Variants in KIF13A observed in about 807,000 individuals in gnomAD.
The protein encoded by KIF13A is kinesin family member 13A.
A neutral mutation model predicts 212.2 loss-of-function variants in KIF13A; 79 were observed. That is an observed-to-expected ratio of 0.37 (90% CI 0.31 to 0.45). KIF13A has a LOEUF of 0.45. Ranked by LOEUF, KIF13A falls within the 20% of genes least tolerant of loss-of-function variation. The probability of loss-of-function intolerance (pLI) is 1.00; values close to 1 mark genes in which losing one functional copy is unlikely to be tolerated. For missense variants in KIF13A, 1,901 were observed against 2,209.0 expected (o/e 0.86, Z 2.79); for synonymous variants, 789 against 808.6 (o/e 0.98, Z 0.41).
At chr6:17,975,357 T>C (rs994131325) in intron 2 of KIF13A, among the ~76,000 whole-genome samples, 19 of 152,148 alleles carry the variant, frequency 1.2e-4, no homozygotes, top group Admixed American at 1.2e-3. Context: ...AGAATGAAGC[T>C]GCGGACCCTC....
chr6:17,936,509 G>C (rs944349686), intron 2 of KIF13A: 12 of 154,242 alleles, frequency 7.8e-5, no homozygotes, highest in African/African-American at 2.7e-4. Flanking sequence ...ACATGTGCAA[G>C]TGCCCCACTG....
At chr6:17,896,688 T>C (rs1049522483) in intron 3 of KIF13A, among the ~76,000 whole-genome samples, 1 of 152,244 alleles carries the variant, frequency 6.6e-6, no homozygotes, top group African/African-American at 2.4e-5. Context: ...TGGGAACCAC[T>C]AGGCTATATA....
chr6:17,959,275 C>T (rs1778618584), intron 2 of KIF13A, among the ~76,000 whole-genome samples: 1 of 152,168 alleles, frequency 6.6e-6, no homozygotes, highest in Non-Finnish European at 1.5e-5. Context: ...TAGAGACAGC[C>T]TCATCTATGT....
intron 2 of KIF13A, among the ~76,000 whole-genome samples, chr6:17,966,063 G>A (rs1409290807): frequency 2.0e-5 from 3 of 152,150 alleles, no homozygotes; most frequent in East Asian, 1.9e-4. Context: ...ATGTGATGGC[G>A]TGTGCCTATA....
Position 17,838,401 on chromosome 6 carries a change from T to C in KIF13A, c.831-818A>G, listed in dbSNP as rs1361016863. 3.3e-5 allele frequency among the ~76,000 whole-genome samples: 5 copies of C among 152,168 alleles called. No individual in the cohort carries two copies. The East Asian group carries it at 9.6e-4, about 29-fold the overall frequency. On this transcript the variant is annotated intron_variant, in intron 9 of 38. Coordinates refer to ENST00000259711, the MANE Select transcript of KIF13A (RefSeq NM_022113.6). The surrounding 1 kb of genome is among the most constrained non-coding windows in gnomAD (Gnocchi z 4.2). The stretch of plus-strand genomic sequence containing the variant: ...CAAGTGAAAGACTAGACAGCTTTCT[T>C]TGTAATGTTAACAATAGATTTCCAT...
At chr6:17,891,875 C>T (rs1360377271) in intron 3 of KIF13A, among the ~76,000 whole-genome samples, 3 of 152,136 alleles carry the variant, frequency 2.0e-5, no homozygotes, top group East Asian at 3.9e-4. Context: ...TTCATTGGTT[C>T]TTCCTCCTCT....
At chr6:17,760,925 C>T (rs774025095), downstream of KIF13A, 2 of 1,602,914 alleles carry the variant, frequency 1.2e-6, no homozygotes, top group Non-Finnish European at 1.7e-6. Context: ...CCCACCTCCC[C>T]ACCCCACCCA....
chr6:17,878,378 T>C (rs761138856), intron 3 of KIF13A, among the ~76,000 whole-genome samples: 3 of 152,202 alleles, frequency 2.0e-5, no homozygotes, highest in African/African-American at 4.8e-5. Flanking sequence ...TTGCTATATG[T>C]AGTGGAATAA....
In KIF13A at chr6:17,987,037, C is replaced by T. The variant is rs1561842376; in HGVS notation, c.146+17G>A. ...GAGGCTGGATCCTCCCAGCCGCCCTCTCGGAACCCGCTTTACCTTTCTCCC... is the reference window on the plus strand; with the variant it reads ...GAGGCTGGATCCTCCCAGCCGCCCTTTCGGAACCCGCTTTACCTTTCTCCC... On this transcript the variant is annotated intron_variant, in intron 2 of 38. Coordinates refer to ENST00000259711, the MANE Select transcript of KIF13A (RefSeq NM_022113.6). The surrounding 1 kb of genome is among the most constrained non-coding windows in gnomAD (Gnocchi z 7.7). 26 of 1,606,828 alleles carry T rather than the reference C, an allele frequency of 1.6e-5. No homozygotes were observed. Among genetic ancestry groups the T allele is most frequent in the Non-Finnish European group, 2.0e-5 (23 of 1,173,456 alleles).
At chr6:17,980,864 T>TG (rs1340736495) in intron 2 of KIF13A, among the ~76,000 whole-genome samples, 1 of 151,956 alleles carries the variant, frequency 6.6e-6, no homozygotes. Context: ...GGGAAGAATT[T>TG]GGGGGTGAGG....
At chr6:17,842,259 C>A (rs1006855495) in intron 9 of KIF13A, among the ~76,000 whole-genome samples, 20 of 151,802 alleles carry the variant, frequency 1.3e-4, no homozygotes, top group African/African-American at 4.4e-4. Context: ...CTATGTTGCC[C>A]AGGTTGGTCT....
chr6:17,922,591 T>C (rs1007388273), intron 2 of KIF13A, among the ~76,000 whole-genome samples: 20 of 130,066 alleles, frequency 1.5e-4, no homozygotes, highest in African/African-American at 3.9e-4. Flanking sequence ...TGGGGATAAA[T>C]AGTTAAATGA....
At chr6:17,796,903 AT>A in intron 22 of KIF13A, 83 bp from the exon 23 acceptor site, 1 of 850,660 alleles carries the variant, frequency 1.2e-6, no homozygotes, top group Non-Finnish European at 1.6e-6. Flanking sequence ...TGTTATATTT[AT>A]TTTAGAGTAT....
chr6:17,764,259 C>G lies in KIF13A; in HGVS notation c.5269G>C (p.Glu1757Gln). 2 of 1,613,976 alleles carry G rather than the reference C, an allele frequency of 1.2e-6. No homozygotes were observed. Residue 1757 changes from glutamate to glutamine, a missense_variant, in exon 39 of 39, where the codon GAG (glutamate) becomes CAG (glutamine). By Grantham distance (29) the Glu-to-Gln change is conservative. This residue lies in a region of KIF13A where 687 missense variants were observed against 759.1 expected (regional missense o/e 0.90). Coordinates refer to ENST00000259711, the MANE Select transcript of KIF13A (RefSeq NM_022113.6). The surrounding 1 kb of genome is among the most constrained non-coding windows in gnomAD (Gnocchi z 5.1). ...GGTAGACTCCTCCTACTGGAAAGCTCTCCAGCAGAAGAATCTGTCAAACCA... is the reference window on the plus strand; with the variant it reads ...GGTAGACTCCTCCTACTGGAAAGCTGTCCAGCAGAAGAATCTGTCAAACCA... ...FDGLTDSSAGELSSRRSLPNK... is the reference protein window; with the variant it reads ...FDGLTDSSAGQLSSRRSLPNK...
intron 2 of KIF13A, among the ~76,000 whole-genome samples, chr6:17,943,018 A>G (rs1219717629): frequency 1.3e-5 from 2 of 152,162 alleles, no homozygotes; most frequent in Non-Finnish European, 2.9e-5. Context: ...AACAAAAAAA[A>G]GAGTAGATTA....
Position 17,885,519 on chromosome 6 carries a change from T to G in KIF13A, c.160-12082A>C, listed in dbSNP as rs530700054. Among the ~76,000 whole-genome samples, 4 of 152,334 alleles carry G rather than the reference T, an allele frequency of 2.6e-5. No homozygotes were observed. In the East Asian group the frequency reaches 7.7e-4, roughly 29 times the overall value. ...CAAAGCCAACAGCATTTGCTGCACA[T>G]CTACAAGGCATTGTCCCTGATCTCA... On this transcript the variant is annotated intron_variant, in intron 3 of 38. Transcript: ENST00000259711.
At chr6:17,972,112 T>C (rs377036913) in intron 2 of KIF13A, among the ~76,000 whole-genome samples, 1 of 152,240 alleles carries the variant, frequency 6.6e-6, no homozygotes, top group South Asian at 2.1e-4. Flanking sequence ...GTACTGTAAC[T>C]CTTTGTAAGT....
At chr6:17,983,926 G>C (rs1219699528) in intron 2 of KIF13A, among the ~76,000 whole-genome samples, 1 of 152,138 alleles carries the variant, frequency 6.6e-6, no homozygotes, top group Non-Finnish European at 1.5e-5. Context: ...GTGAACCTAT[G>C]CTCTCAGCAT....
chr6:17,860,240 G>A (rs1458631546), intron 4 of KIF13A, among the ~76,000 whole-genome samples: 2 of 151,976 alleles, frequency 1.3e-5, no homozygotes, highest in African/African-American at 4.8e-5. Flanking sequence ...CCAGGCTGGA[G>A]TGCAGTGGTA....
Sources: gnomAD v4.1 joint callset for allele counts (sites outside exome capture counted in the v4.1 genomes callset) on GRCh38, gnomAD v4.1.1 for gene constraint, gnomAD v4.1.1 regional missense constraint, Gnocchi (gnomAD v3.1) non-coding constraint, MANE v1.5 for transcripts, NCBI Gene and HGNC (gene_info 2026-07-23, HGNC 2026-07-21) for gene names.